ABCA3: variants seen among roughly 807,000 people sequenced by gnomAD.
ABCA3 encodes phospholipid-transporting ATPase ABCA3.
A neutral mutation model predicts 172.8 loss-of-function variants in ABCA3; 88 were observed. That is an observed-to-expected ratio of 0.51 (90% confidence interval 0.43 to 0.61). The LOEUF (loss-of-function observed/expected upper bound fraction) is 0.61, where lower values mean the gene tolerates loss of function less well. ABCA3 is among the 20% of genes least tolerant of loss of function. ABCA3 has a pLI of 0.00. For synonymous variants in ABCA3, 1,066 were observed against 983.8 expected (o/e 1.08, Z -1.56); for missense variants, 2,164 against 2,301.0 (o/e 0.94, Z 1.22).
chr16:2,281,554 G>A lies in ABCA3; in HGVS notation c.4036-45C>T, dbSNP rs2093655270. ...ACCGCATGCGTGAACCCAGCCGCAG[G>A]GCGGCTTCCGTGGAGAAGGGAGGGG... On this transcript the variant is annotated intron_variant, in intron 26 of 32. Coordinates refer to ENST00000301732, the MANE Select transcript of ABCA3 (RefSeq NM_001089.3). The surrounding 1 kb of genome is among the most constrained non-coding windows in gnomAD (Gnocchi z 4.7). 1 of 1,607,492 alleles carries A rather than the reference G, an allele frequency of 6.2e-7. No homozygotes were observed. Among genetic ancestry groups the A allele is most frequent in the Non-Finnish European group, 8.5e-7 (1 of 1,177,026 alleles).
intron 2 of ABCA3, among the ~76,000 whole-genome samples, chr16:2,329,175 A>T (rs1401730982): frequency 6.6e-6 from 1 of 152,214 alleles, no homozygotes; most frequent in Non-Finnish European, 1.5e-5. Flanking sequence ...CTAAAATAGT[A>T]TGAAGTGCTA....
At position 2,301,026 on chromosome 16, in the gene ABCA3, C is replaced by G. The variant is rs568994792; in HGVS notation, c.1468-878G>C. On this transcript the variant is annotated intron_variant, in intron 12 of 32. Coordinates refer to ENST00000301732, the MANE Select transcript of ABCA3 (RefSeq NM_001089.3). ...CGGGCGGATCATGAGGTCAGGAGAT[C>G]GAGACCATCCTGGCTAACACGGTGA... Among the ~76,000 whole-genome samples, 740 of 149,850 alleles carry G rather than the reference C, an allele frequency of 4.9e-3. 20 individuals carry two copies. In the East Asian group the frequency reaches 0.052, roughly 11 times the overall value.
chr16:2,289,099 C>T (rs1023318385), intron 20 of ABCA3: 3 of 327,924 alleles, frequency 9.1e-6, no homozygotes, highest in South Asian at 4.2e-5. Context: ...TTGGCCCAGG[C>T]CTCGGTTTCC....
chr16:2,324,858 G>T (rs1461015744), intron 5 of ABCA3, among the ~76,000 whole-genome samples: 1 of 152,114 alleles, frequency 6.6e-6, no homozygotes, highest in African/African-American at 2.4e-5. Flanking sequence ...AGCCCGGGGT[G>T]GCTTCTCTTT....
At position 2,278,586 on chromosome 16, in the gene ABCA3, G is replaced by C. The variant is rs1243653700; in HGVS notation, c.4548-128C>G. The C allele has an allele frequency of 3.1e-6, 4 of 1,271,754 alleles. No individual in the cohort carries two copies. The African/African-American group carries it at 5.9e-5, about 19-fold the overall frequency. The allele number at this position is 1,271,754 out of a possible 1,614,324, so 78.8% of individuals were successfully genotyped here. On this transcript the variant is annotated intron_variant, in intron 29 of 32. Transcript: ENST00000301732. This position sits in a 1 kb window ranked among gnomAD's most constrained non-coding sequence, Gnocchi z 4.4. ...AATTGCAGAACAGCCCTAGTGAAGA[G>C]GAAGGAGCTGTGTGTGCACCTGGAA...
Position 2,310,344 on chromosome 16 carries a change from G to T in ABCA3, c.1112-1721C>A, listed in dbSNP as rs1055442083. 1.7e-4 allele frequency among the ~76,000 whole-genome samples: 26 copies of T among 151,914 alleles called. 1 individual carries two copies. In the East Asian group the frequency reaches 4.7e-3, roughly 27 times the overall value. On this transcript the variant is annotated intron_variant, in intron 10 of 32. Coordinates refer to ENST00000301732, the MANE Select transcript of ABCA3 (RefSeq NM_001089.3). ...CATCGCTTGAACCCGGGAGGTGGAG[G>T]TTGCAGTGAGCCGAGATCGGGTCAC... is the stretch of plus-strand genomic sequence containing the variant.
chr16:2,319,647 G>T lies in ABCA3; in HGVS notation c.807C>A (p.Leu269=). 1 of 1,613,782 alleles carries T rather than the reference G, an allele frequency of 6.2e-7. No homozygotes were observed. The highest frequency in any genetic ancestry group is 8.5e-7 in the Non-Finnish European group (1 of 1,180,002). ...TGGTGAGCGCGGTGTAGGTGAAGCT[G>T]AGCAGCAGCAGCAGGGGCAGCTGGT... ...IQYQLPLLLL[L]SFTYTALTIA... The change falls in exon 8 of 33, where the codon CTC becomes CTA. Residue 269 remains leucine (L), a synonymous_variant. Coordinates refer to ENST00000301732, the MANE Select transcript of ABCA3 (RefSeq NM_001089.3).
At position 2,278,444 on chromosome 16, in the gene ABCA3, C is replaced by T. The variant is rs2093650005; in HGVS notation, c.4562G>A (p.Arg1521Gln). ...CAGGGCGATGCCGGTGCTCAGCTTCCGCTTGTTACCACCACTAGAGGCAGG... is the reference window on the plus strand; with the variant it reads ...CAGGGCGATGCCGGTGCTCAGCTTCTGCTTGTTACCACCACTAGAGGCAGG... ...LVRTYSGGNK[R>Q]KLSTGIALIG... The change falls in exon 30 of 33, where the codon CGG becomes CAG. Residue 1521 changes from arginine to glutamine, a missense_variant. By Grantham distance (43) the Arg-to-Gln change is conservative. Around this residue, in one of 3 missense-constraint regions of ABCA3, gnomAD observed 795 missense variants for 881.9 expected, o/e 0.90. Transcript: ENST00000301732. The surrounding 1 kb of genome is among the most constrained non-coding windows in gnomAD (Gnocchi z 4.4). 9 of 1,612,176 alleles carry T rather than the reference C, an allele frequency of 5.6e-6. No homozygotes were observed. Among genetic ancestry groups the T allele is most frequent in the African/African-American group, 2.7e-5 (2 of 74,922 alleles).
chr16:2,338,384 C>G (rs1197609555), intron 1 of ABCA3, among the ~76,000 whole-genome samples: 2 of 152,230 alleles, frequency 1.3e-5, no homozygotes, highest in African/African-American at 4.8e-5. Context: ...CACTTCCCAG[C>G]CCACTTCTAG....
At chr16:2,308,914 G>C (rs1388524904) in intron 10 of ABCA3, among the ~76,000 whole-genome samples, 3 of 151,626 alleles carry the variant, frequency 2.0e-5, no homozygotes, top group African/African-American at 4.8e-5. Context: ...ACCTCACGTG[G>C]CTGATCCCAA....
In ABCA3 at chr16:2,286,991, G is replaced by A; in HGVS notation, c.3005-24C>T. 2 of 1,608,022 alleles carry A rather than the reference G, an allele frequency of 1.2e-6. No homozygotes were observed. The highest frequency in any genetic ancestry group is 1.3e-5 in the African/African-American group (1 of 74,942). On this transcript the variant is annotated intron_variant, in intron 21 of 32. Transcript: ENST00000301732. The surrounding 1 kb of genome is among the most constrained non-coding windows in gnomAD (Gnocchi z 5.2). ...ACCTGGGGAGCAATGGCAGAGTCAGGGGACACAGGAAGAGGTGACACCTGG... is the reference window on the plus strand; with the variant it reads ...ACCTGGGGAGCAATGGCAGAGTCAGAGGACACAGGAAGAGGTGACACCTGG...
chr16:2,319,958 C>T (rs1336943032), intron 7 of ABCA3, 118 bp from the exon 8 acceptor site: 10 of 1,400,940 alleles, frequency 7.1e-6, no homozygotes, highest in Middle Eastern at 2.0e-4. Context: ...GTGACTTCAG[C>T]TCAGGACCCC....
chr16:2,291,448 C>T (rs141107598), intron 19 of ABCA3, among the ~76,000 whole-genome samples: 271 of 152,292 alleles, frequency 1.8e-3, no homozygotes, highest in African/African-American at 6.2e-3. Context: ...CCACGCCCAG[C>T]CCCCATGCAG....
intron 10 of ABCA3, among the ~76,000 whole-genome samples, chr16:2,315,523 C>A (rs1055813401): frequency 2.0e-5 from 3 of 152,048 alleles, no homozygotes; most frequent in East Asian, 1.9e-4. Context: ...TGACCACTTA[C>A]CAATGCCCAC....
chr16:2,336,009 T>C (rs900723921), intron 1 of ABCA3, among the ~76,000 whole-genome samples: 1 of 152,172 alleles, frequency 6.6e-6, no homozygotes, highest in Non-Finnish European at 1.5e-5. Flanking sequence ...ACTGCAGCAG[T>C]GTGTCATCTA....
chr16:2,339,343 T>G (rs1317065218), intron 1 of ABCA3: 4 of 152,230 alleles, frequency 2.6e-5, no homozygotes, highest in African/African-American at 7.2e-5. Context: ...TAAGTCACTT[T>G]AGGAAGGGAG....
Position 2,283,479 on chromosome 16 carries a change from G to A in ABCA3, c.3863-121C>T, listed in dbSNP as rs2093658236. The A allele has an allele frequency of 9.2e-6, 11 of 1,193,706 alleles. No individual in the cohort carries two copies. The highest frequency in any genetic ancestry group is 2.5e-5 in the East Asian group (1 of 39,674). 73.9% of individuals were successfully genotyped at this position (1,193,706 alleles called of 1,614,324 possible). A position where few individuals can be genotyped will look rare whatever the true frequency, so the allele number is the denominator to read the frequency against. On this transcript the variant is annotated intron_variant, in intron 25 of 32. Transcript: ENST00000301732. This position sits in a 1 kb window ranked among gnomAD's most constrained non-coding sequence, Gnocchi z 5.4. ...GCGCCTGTAACAATGTCCCCTCCAT[G>A]GGGAGATGTGAAGGCCAGTAGGTCA...
intron 7 of ABCA3, among the ~76,000 whole-genome samples, chr16:2,321,921 C>T (rs1218543116): frequency 1.3e-5 from 2 of 152,258 alleles, no homozygotes; most frequent in African/African-American, 4.8e-5. Flanking sequence ...GACGTACAGC[C>T]GGGTGTGGTG....
chr16:2,312,840 A>AT (rs879305970), intron 10 of ABCA3, among the ~76,000 whole-genome samples: 2,519 of 143,184 alleles, frequency 0.018, 22 homozygotes, highest in Middle Eastern at 0.026. Flanking sequence ...CCGAAATTGC[A>AT]TTTTTTTTTT....
Sources: gnomAD v4.1 joint callset for allele counts (sites outside exome capture counted in the v4.1 genomes callset) on GRCh38, gnomAD v4.1.1 for gene constraint, gnomAD v4.1.1 regional missense constraint, Gnocchi (gnomAD v3.1) non-coding constraint, MANE v1.5 for transcripts, NCBI Gene and HGNC (gene_info 2026-07-23, HGNC 2026-07-21) for gene names.